Variants in ESRRG observed in about 807,000 individuals in gnomAD.
The protein encoded by ESRRG is estrogen-related receptor gamma.
A neutral mutation model predicts 44.0 loss-of-function variants in ESRRG; 13 were observed. That is an observed-to-expected ratio of 0.30 (90% CI 0.19 to 0.47). ESRRG has a LOEUF of 0.47. Ranked by LOEUF, ESRRG falls within the 20% of genes least tolerant of loss-of-function variation. The pLI is 1.00. For missense variants in ESRRG, 395 were observed against 580.6 expected (o/e 0.68, Z 3.29); for synonymous variants, 215 against 214.6 (o/e 1.00, Z -0.02).
At chr1:216,896,148 G>GA (rs879617163) in intron 2 of ESRRG, among the ~76,000 whole-genome samples, 3 of 152,054 alleles carry the variant, frequency 2.0e-5, no homozygotes, top group Admixed American at 1.3e-4. Flanking sequence ...CTCATATCTG[G>GA]AAAAAAATAG....
intron 3 of ESRRG, among the ~76,000 whole-genome samples, chr1:216,608,241 A>G (rs1031114604): frequency 6.6e-6 from 1 of 152,198 alleles, no homozygotes; most frequent in African/African-American, 2.4e-5. Flanking sequence ...ATCAACTTAA[A>G]TATTATCCTC....
Position 216,749,438 on chromosome 1 carries a change from T to C in ESRRG, c.-13-71947A>G, listed in dbSNP as rs529083971. Among the ~76,000 whole-genome samples the C allele has an allele frequency of 3.9e-4, 59 of 152,292 alleles. 1 individual carries two copies. Among genetic ancestry groups the C allele is most frequent in the South Asian group, 1.4e-3 (7 of 4,828 alleles). On this transcript the variant is annotated intron_variant, in intron 2 of 7. Transcript: ENST00000359162. ...GCCCAGTGTTTGGCAACAAGCGCGA[T>C]AGGGAATACGCTGTGTGTGGGTCCA...
chr1:216,597,970 C>T (rs2058676593), intron 3 of ESRRG, among the ~76,000 whole-genome samples: 1 of 152,088 alleles, frequency 6.6e-6, no homozygotes, highest in South Asian at 2.1e-4. Flanking sequence ...CCACAGTATA[C>T]CTATCAACCC....
chr1:217,129,006 A>G (rs902832229), intron 1 of ESRRG, among the ~76,000 whole-genome samples: 2 of 152,200 alleles, frequency 1.3e-5, no homozygotes, highest in Non-Finnish European at 2.9e-5. Context: ...CAAAATTAAA[A>G]ACTTCTATGA....
intron 1 of ESRRG, among the ~76,000 whole-genome samples, chr1:217,065,925 T>C (rs1425320419): frequency 6.6e-6 from 1 of 152,196 alleles, no homozygotes; most frequent in African/African-American, 2.4e-5. Context: ...TGTGTTGTCA[T>C]TGCCCTGTTC....
At chr1:216,732,538 G>A (rs996677474) in intron 2 of ESRRG, among the ~76,000 whole-genome samples, 4 of 151,718 alleles carry the variant, frequency 2.6e-5, no homozygotes, top group African/African-American at 4.8e-5. Context: ...CACCACACCC[G>A]GCTAATTTTT....
At chr1:216,825,453 C>A (rs150636715) in intron 2 of ESRRG, among the ~76,000 whole-genome samples, 9 of 152,128 alleles carry the variant, frequency 5.9e-5, no homozygotes, top group Non-Finnish European at 1.2e-4. Flanking sequence ...TTTGCAAATG[C>A]AATATATCAT....
intron 1 of ESRRG, among the ~76,000 whole-genome samples, chr1:217,118,729 C>T (rs1171034632): frequency 2.0e-5 from 3 of 152,074 alleles, no homozygotes; most frequent in Non-Finnish European, 4.4e-5. Context: ...TGGTAGCTCT[C>T]GCCTGTAATC....
At chr1:217,137,447 G>C (rs1369793539) in intron 1 of ESRRG, among the ~76,000 whole-genome samples, 5 of 152,250 alleles carry the variant, frequency 3.3e-5, no homozygotes, top group Non-Finnish European at 5.9e-5. Flanking sequence ...GCAGGCGTTT[G>C]CGCGCGTCTC....
intron 2 of ESRRG, among the ~76,000 whole-genome samples, chr1:216,855,514 G>A (rs892483868): frequency 1.3e-5 from 2 of 152,278 alleles, no homozygotes; most frequent in South Asian, 2.1e-4. Context: ...AAAAGGTAAC[G>A]TAGAACCTGA....
At chr1:217,047,198 T>G (rs560816320) in intron 1 of ESRRG, among the ~76,000 whole-genome samples, 5 of 152,102 alleles carry the variant, frequency 3.3e-5, no homozygotes, top group Non-Finnish European at 7.4e-5. Context: ...TCTACCAACT[T>G]TATGATTATA....
chr1:217,092,069 A>T (rs994854073), upstream of ESRRG, among the ~76,000 whole-genome samples: 1 of 152,130 alleles, frequency 6.6e-6, no homozygotes, highest in African/African-American at 2.4e-5. Context: ...GAGATGTTTG[A>T]GCAACTAGCA....
At chr1:216,886,691 C>A (rs1577682456) in intron 2 of ESRRG, among the ~76,000 whole-genome samples, 1 of 152,088 alleles carries the variant, frequency 6.6e-6, no homozygotes, top group Admixed American at 6.6e-5. Flanking sequence ...TTGCCAGGAT[C>A]CACAAATATT....
chr1:216,814,637 C>T lies in ESRRG; in HGVS notation c.-14+124945G>A, dbSNP rs541025883. ...CCTCAGTCTTTCACTTTGAAATGCG[C>T]TTTTTGCTCATCCCAGGAGTTTCTG... On this transcript the variant is annotated intron_variant, in intron 2 of 7. Coordinates refer to the ESRRG transcript ENST00000359162. Among the ~76,000 whole-genome samples, 18 of 152,304 alleles carry T rather than the reference C, an allele frequency of 1.2e-4. No homozygotes were observed. In the East Asian group the frequency reaches 3.1e-3, roughly 26 times the overall value.
intron 1 of ESRRG, among the ~76,000 whole-genome samples, chr1:216,713,057 T>C (rs1397084014): frequency 2.0e-5 from 3 of 152,196 alleles, no homozygotes; most frequent in Admixed American, 2.0e-4. Context: ...CCTTGCTTAA[T>C]CGAATACTAT....
At chr1:216,831,480 G>T (rs976876090) in intron 2 of ESRRG, among the ~76,000 whole-genome samples, 1 of 149,846 alleles carries the variant, frequency 6.7e-6, no homozygotes, top group South Asian at 2.1e-4. Context: ...CTCATTCAAC[G>T]GGGGGAGGAA....
chr1:216,655,452 T>C (rs1322700240), intron 2 of ESRRG, among the ~76,000 whole-genome samples: 1 of 152,164 alleles, frequency 6.6e-6, no homozygotes, highest in African/African-American at 2.4e-5. Context: ...ATGCTTGAAC[T>C]ATGACATGAA....
intron 2 of ESRRG, among the ~76,000 whole-genome samples, chr1:216,821,175 C>T (rs2095278900): frequency 6.6e-6 from 1 of 152,184 alleles, no homozygotes; most frequent in Admixed American, 6.6e-5. Flanking sequence ...TGTCACCGCT[C>T]TTACCTTACT....
At chr1:216,965,311 C>T (rs2070065776) in intron 1 of ESRRG, among the ~76,000 whole-genome samples, 1 of 152,112 alleles carries the variant, frequency 6.6e-6, no homozygotes, top group Admixed American at 6.5e-5. Context: ...GTTCTATGGT[C>T]CTGGATGCCT....
Sources: allele counts gnomAD v4.1 joint callset (sites outside exome capture counted in the v4.1 genomes callset), GRCh38; gene constraint gnomAD v4.1.1; transcripts MANE v1.5; gene names NCBI Gene and HGNC (gene_info 2026-07-23, HGNC 2026-07-21).